Variants in ZNF600 observed in about 807,000 individuals in gnomAD.
The protein encoded by ZNF600 is zinc finger protein 600.
A neutral mutation model predicts 7.3 loss-of-function variants in ZNF600; 4 were observed. The ratio of observed to expected loss-of-function variants is 0.55; its 90% confidence interval spans 0.27 to 1.25. The LOEUF is 1.25. ZNF600 is among the 50% of genes most tolerant of loss of function. The pLI, the probability that ZNF600 is intolerant of heterozygous loss-of-function variation, is 0.12. For missense variants in ZNF600, 911 were observed against 922.1 expected, an observed-to-expected ratio of 0.99 and a Z score of 0.16; for synonymous variants, 290 against 308.9, an observed-to-expected ratio of 0.94 and a Z score of 0.64.
the ZNF600 span, among the ~76,000 whole-genome samples, chr19:52,812,765 A>T: frequency 2.2e-4 from 24 of 111,038 alleles, no homozygotes; most frequent in African/African-American, 1.1e-3. Context: ...TGATCAATAA[A>T]AAAAAAAAAA....
At chr19:52,810,706 T>TA in the ZNF600 span, 58 of 724,092 alleles carry the variant, frequency 8.0e-5, no homozygotes, top group African/African-American at 1.8e-4. Flanking sequence ...TTCCCCTTAC[T>TA]AAAAAAAATG....
At chr19:52,783,290 CA>C (rs1210943447) in intron 1 of ZNF600, among the ~76,000 whole-genome samples, 1 of 152,178 alleles carries the variant, frequency 6.6e-6, no homozygotes, top group Non-Finnish European at 1.5e-5. Context: ...TCATCACATC[CA>C]ATCAACTCAC....
At chr19:52,774,265 A>G (rs2062654146) in intron 3 of ZNF600, among the ~76,000 whole-genome samples, 1 of 151,696 alleles carries the variant, frequency 6.6e-6, no homozygotes, top group South Asian at 2.1e-4. Flanking sequence ...CCCCGTCTCT[A>G]CTGAAAATAC....
chr19:52,829,218 A>ATTTTATTT, the ZNF600 span, among the ~76,000 whole-genome samples: 201 of 101,476 alleles, frequency 2.0e-3, 2 homozygotes, highest in South Asian at 0.033. Context: ...ATTTTATTTT[A>ATTTTATTT]TTTTATTTTA....
chr19:52,813,616 C>CG, the ZNF600 span, among the ~76,000 whole-genome samples: 1 of 145,344 alleles, frequency 6.9e-6, no homozygotes, highest in Non-Finnish European at 1.5e-5. Flanking sequence ...GTCTACCACC[C>CG]ACCCCACCCC....
intron 3 of ZNF600, 47 bp downstream of exon 5, chr19:52,774,528 T>C (rs1600385677): frequency 1.0e-6 from 1 of 982,088 alleles, no homozygotes; most frequent in Non-Finnish European, 1.2e-6. Flanking sequence ...AGGGCCAAGA[T>C]AGACAAGAGC....
the ZNF600 span, among the ~76,000 whole-genome samples, chr19:52,808,873 TA>T: frequency 6.6e-6 from 1 of 152,094 alleles, no homozygotes; most frequent in Non-Finnish European, 1.5e-5. Flanking sequence ...ATTGTGTTTC[TA>T]AATTTTCACA....
chr19:52,799,272 G>A, the ZNF600 span: 1 of 421,092 alleles, frequency 2.4e-6, no homozygotes, highest in Non-Finnish European at 4.5e-6. Flanking sequence ...ACATTTGTAA[G>A]GTTTCTCTCC....
exon 4 of ZNF600, chr19:52,766,380 G>A: frequency 6.2e-7 from 1 of 1,613,676 alleles, no homozygotes; most frequent in Non-Finnish European, 8.5e-7. Context: ...TATCTTATGT[G>A]TCTCAAGGGT....
chr19:52,818,139 A>C, the ZNF600 span: 8 of 1,187,648 alleles, frequency 6.7e-6, no homozygotes, highest in Admixed American at 7.9e-5. Flanking sequence ...ATGGTCCCCT[A>C]TGCTGCCTAC....
chr19:52,782,736 T>G (rs1250407325), intron 1 of ZNF600, among the ~76,000 whole-genome samples: 1 of 151,366 alleles, frequency 6.6e-6, no homozygotes, highest in African/African-American at 2.4e-5. Context: ...ACAGGACAGG[T>G]GTGGTGGCGG....
At chr19:52,826,493 G>A in the ZNF600 span, among the ~76,000 whole-genome samples, 1 of 152,036 alleles carries the variant, frequency 6.6e-6, no homozygotes. Flanking sequence ...AGATCATGAG[G>A]TCAGGATTTT....
intron 3 of ZNF600, among the ~76,000 whole-genome samples, chr19:52,770,813 G>A (rs1379896657): frequency 1.3e-5 from 2 of 151,958 alleles, no homozygotes; most frequent in Non-Finnish European, 2.9e-5. Flanking sequence ...ATAGGACTAG[G>A]GCTTTTAATT....
At chr19:52,798,976 G>T in the ZNF600 span, 1 of 1,177,742 alleles carries the variant, frequency 8.5e-7, no homozygotes, top group Non-Finnish European at 1.2e-6. Context: ...GGTGTGCCAG[G>T]TGTGAATCAC....
the ZNF600 span, chr19:52,808,225 T>A: frequency 6.4e-7 from 1 of 1,556,854 alleles, no homozygotes. Flanking sequence ...TGGATTTAGT[T>A]GTAGTGAATG....
chr19:52,821,183 A>T, the ZNF600 span, among the ~76,000 whole-genome samples: 3 of 144,444 alleles, frequency 2.1e-5, no homozygotes, highest in Non-Finnish European at 4.5e-5. Flanking sequence ...GGATCCCAGG[A>T]CCACAGAACG....
intron 2 of ZNF600, among the ~76,000 whole-genome samples, chr19:52,776,348 G>A (rs1390815155): frequency 2.0e-5 from 3 of 151,924 alleles, no homozygotes; most frequent in South Asian, 4.1e-4. Flanking sequence ...GTAAGAACAC[G>A]GAGCATCCTA....
At chr19:52,771,179 G>A (rs1429612488) in intron 3 of ZNF600, among the ~76,000 whole-genome samples, 80 of 152,064 alleles carry the variant, frequency 5.3e-4, no homozygotes, top group Non-Finnish European at 4.4e-5. Flanking sequence ...CTCATTGCCT[G>A]CTCCTCTTTC....
the ZNF600 span, chr19:52,799,698 T>C: frequency 3.2e-6 from 5 of 1,541,062 alleles, no homozygotes; most frequent in Non-Finnish European, 4.5e-6. Flanking sequence ...TCAAGGTTTC[T>C]CTCCACTATG....
Sources: allele counts gnomAD v4.1 joint callset (sites outside exome capture counted in the v4.1 genomes callset), GRCh38; gene constraint gnomAD v4.1.1; transcripts MANE v1.5; gene names NCBI Gene and HGNC (gene_info 2026-07-23, HGNC 2026-07-21).